The following SPATA17 variants were observed in gnomAD, a reference collection of about 807,000 sequenced individuals.
SPATA17 encodes spermatogenesis associated 17.
In SPATA17, 53 loss-of-function variants were observed where a neutral mutation model predicts 62.2. The ratio of observed to expected loss-of-function variants is 0.85; its 90% CI spans 0.68 to 1.07. The LOEUF is 1.07. SPATA17 is among the 50% of genes least tolerant of loss of function. The probability of loss-of-function intolerance (pLI) is 0.00; values close to 1 mark genes in which losing one functional copy is unlikely to be tolerated. For missense variants in SPATA17, 466 were observed against 425.5 expected (o/e 1.10, Z -0.84); for synonymous variants, 146 against 146.8 (o/e 0.99, Z 0.04).
intron 9 of SPATA17, among the ~76,000 whole-genome samples, chr1:217,834,633 C>T (rs1224675986): frequency 1.3e-5 from 2 of 151,914 alleles, no homozygotes; most frequent in Admixed American, 6.6e-5. Context: ...ACAGTGTGTT[C>T]ATGTTTTAAG....
chr1:217,808,661 G>T (rs1674504841), intron 9 of SPATA17, among the ~76,000 whole-genome samples: 1 of 152,072 alleles, frequency 6.6e-6, no homozygotes, highest in Non-Finnish European at 1.5e-5. Flanking sequence ...AGACCATCCT[G>T]GCCAACATGG....
intron 5 of SPATA17, among the ~76,000 whole-genome samples, chr1:217,713,728 G>A (rs1306972461): frequency 6.6e-6 from 1 of 152,178 alleles, no homozygotes; most frequent in African/African-American, 2.4e-5. Context: ...AGAAACAAAC[G>A]AAAGTGTGTA....
chr1:217,844,818 T>A (rs571447601), intron 9 of SPATA17, among the ~76,000 whole-genome samples: 3 of 152,218 alleles, frequency 2.0e-5, no homozygotes, highest in South Asian at 4.1e-4. Flanking sequence ...CTCTTAATAG[T>A]TATTAAGTCA....
chr1:217,632,882 G>A (rs35492502), intron 1 of SPATA17, among the ~76,000 whole-genome samples: 31,722 of 152,130 alleles, frequency 0.21, 4,161 homozygotes, highest in Non-Finnish European at 0.3. Context: ...ATCCTTGTAT[G>A]GAATATAGGC....
At chr1:217,800,326 A>G (rs1472518616) in intron 8 of SPATA17, among the ~76,000 whole-genome samples, 1 of 152,126 alleles carries the variant, frequency 6.6e-6, no homozygotes, top group African/African-American at 2.4e-5. Flanking sequence ...ATGTCTTTTC[A>G]GAAGATGCAA....
At chr1:217,799,354 A>G (rs542402741) in intron 8 of SPATA17, among the ~76,000 whole-genome samples, 28 of 152,248 alleles carry the variant, frequency 1.8e-4, no homozygotes, top group African/African-American at 6.0e-4. Flanking sequence ...AGAAAAATGT[A>G]CTATTAAAAT....
rs987250267 is a variant in SPATA17, at chr1:217,789,021, TAGACATCG to T, written c.872+6702_872+6709del. Among the ~76,000 whole-genome samples, 6 of 152,226 alleles carry T rather than the reference TAGACATCG, an allele frequency of 3.9e-5. No homozygotes were observed. In the South Asian group the frequency reaches 6.2e-4, roughly 16 times the overall value. On this transcript the variant is annotated intron_variant, in intron 8 of 10. Coordinates refer to ENST00000366933, the MANE Select transcript of SPATA17 (RefSeq NM_138796.4). Reference sequence around the variant, plus strand: ...AAGAGTCTTCCACAAGTTTAAGGTATAGACATCGAGGATTTAAAAAAATGTAACAGTGA... The same window carrying T: ...AAGAGTCTTCCACAAGTTTAAGGTATAGGATTTAAAAAAATGTAACAGTGA...
At chr1:217,771,239 A>G (rs1673437885) in intron 6 of SPATA17, among the ~76,000 whole-genome samples, 1 of 150,964 alleles carries the variant, frequency 6.6e-6, no homozygotes, top group South Asian at 2.1e-4. Flanking sequence ...TTTTTTTTAA[A>G]CAGTTAGCAC....
At chr1:217,784,346 A>T (rs979587678) in intron 8 of SPATA17, among the ~76,000 whole-genome samples, 90 of 152,164 alleles carry the variant, frequency 5.9e-4, no homozygotes, top group African/African-American at 2.1e-3. Context: ...AGAAAGGTAC[A>T]GCTTTTTATT....
intron 5 of SPATA17, among the ~76,000 whole-genome samples, chr1:217,733,073 C>T (rs1011470679): frequency 6.6e-6 from 1 of 152,060 alleles, no homozygotes; most frequent in African/African-American, 2.4e-5. Flanking sequence ...TTTTTATAAT[C>T]ATGCAAAGCA....
At chr1:217,722,077 T>C (rs1672139483) in intron 5 of SPATA17, among the ~76,000 whole-genome samples, 1 of 152,232 alleles carries the variant, frequency 6.6e-6, no homozygotes, top group Admixed American at 6.5e-5. Context: ...CTATTTCTCA[T>C]TCCATGGTAG....
chr1:217,654,377 T>C (rs1670390981), intron 3 of SPATA17, among the ~76,000 whole-genome samples: 1 of 152,110 alleles, frequency 6.6e-6, no homozygotes. Context: ...TGCCTGCCTC[T>C]GCCTCCCGAA....
chr1:217,684,264 T>G (rs1323946747), intron 5 of SPATA17, among the ~76,000 whole-genome samples: 1 of 152,212 alleles, frequency 6.6e-6, no homozygotes, highest in African/African-American at 2.4e-5. Flanking sequence ...TTTTTCCTCC[T>G]GTGATATGCC....
At chr1:217,643,429 C>T (rs188418984) in intron 1 of SPATA17, among the ~76,000 whole-genome samples, 1 of 152,062 alleles carries the variant, frequency 6.6e-6, no homozygotes, top group East Asian at 1.9e-4. Flanking sequence ...TTTCATCTTC[C>T]CTCTACACCC....
intron 8 of SPATA17, among the ~76,000 whole-genome samples, chr1:217,790,685 C>T (rs879168041): frequency 2.8e-4 from 43 of 152,190 alleles, no homozygotes; most frequent in Admixed American, 2.0e-4. Flanking sequence ...GCCTCGGCCT[C>T]CCAAAGTGCT....
intron 9 of SPATA17, among the ~76,000 whole-genome samples, chr1:217,803,255 G>A (rs1460964266): frequency 6.6e-6 from 1 of 152,132 alleles, no homozygotes; most frequent in Non-Finnish European, 1.5e-5. Flanking sequence ...AGTACTGGAA[G>A]TCCTAGCCAG....
intron 9 of SPATA17, among the ~76,000 whole-genome samples, chr1:217,857,677 A>G (rs34021331): frequency 0.4 from 61,173 of 152,018 alleles, 12,646 homozygotes; most frequent in Admixed American, 0.46. Context: ...ATGCTAATCA[A>G]CACCAGATTT....
chr1:217,828,897 C>T (rs1014645993), intron 9 of SPATA17, among the ~76,000 whole-genome samples: 1 of 152,080 alleles, frequency 6.6e-6, no homozygotes, highest in Non-Finnish European at 1.5e-5. Flanking sequence ...TGAGATATCA[C>T]CTCACATCTC....
intron 9 of SPATA17, among the ~76,000 whole-genome samples, chr1:217,839,750 T>C (rs1250015616): frequency 6.6e-6 from 1 of 151,926 alleles, no homozygotes; most frequent in Non-Finnish European, 1.5e-5. Context: ...AGGGGAACCA[T>C]AGTTGGTGGT....
Sources: allele counts gnomAD v4.1 joint callset (sites outside exome capture counted in the v4.1 genomes callset), GRCh38; gene constraint gnomAD v4.1.1; transcripts MANE v1.5; gene names NCBI Gene and HGNC (gene_info 2026-07-23, HGNC 2026-07-21).